PTN: variants seen among roughly 807,000 people sequenced by gnomAD.
PTN encodes pleiotrophin.
A neutral mutation model predicts 24.1 loss-of-function variants in PTN; 18 were observed. The ratio of observed to expected loss-of-function variants is 0.75; its 90% CI spans 0.52 to 1.11. The LOEUF (loss-of-function observed/expected upper bound fraction) is 1.11. PTN is among the 50% of genes least tolerant of loss of function. PTN has a pLI of 0.00. For missense variants in PTN, 163 were observed against 198.8 expected (o/e 0.82, Z 1.08); for synonymous variants, 78 against 68.6 (o/e 1.14, Z -0.67).
intron 1 of PTN, among the ~76,000 whole-genome samples, chr7:137,340,039 T>A (rs1810509807): frequency 6.6e-6 from 1 of 152,240 alleles, no homozygotes; most frequent in South Asian, 2.1e-4. Context: ...CTTCTATTTT[T>A]AGAAAACTGG....
chr7:137,341,559 G>A (rs1810534564), intron 1 of PTN, among the ~76,000 whole-genome samples: 1 of 152,178 alleles, frequency 6.6e-6, no homozygotes, highest in African/African-American at 2.4e-5. Flanking sequence ...TTTAAAGTCA[G>A]ATAATTAAAA....
At position 137,280,691 on chromosome 7, in the gene PTN, T is replaced by TAACAAAAAAAA. The variant is rs760779128; in HGVS notation, c.-1-25718_-1-25717insTTTTTTTTGTT. Among the ~76,000 whole-genome samples, 101 of 14,714 alleles carry TAACAAAAAAAA rather than the reference T, an allele frequency of 6.9e-3. 10 individuals are homozygous for TAACAAAAAAAA. Among genetic ancestry groups the TAACAAAAAAAA allele is most frequent in the African/African-American group, 0.011 (58 of 5,512 alleles). 9.7% of individuals were successfully genotyped at this position (14,714 alleles called of 152,430 possible). ...CAACATGGCAAAACCCCGTCTCTAC[T>TAACAAAAAAAA]AAAAATACAAAAAAAAAAAAAAAAA... On this transcript the variant is annotated intron_variant, in intron 1 of 4. Transcript: ENST00000348225.
chr7:137,264,444 T>G (rs1280019610), intron 1 of PTN, among the ~76,000 whole-genome samples: 1 of 152,170 alleles, frequency 6.6e-6, no homozygotes, highest in African/African-American at 2.4e-5. Context: ...GCTTCGGCCA[T>G]GAGTGGACCA....
At chr7:137,290,100 A>G (rs1809616402) in intron 1 of PTN, among the ~76,000 whole-genome samples, 1 of 152,172 alleles carries the variant, frequency 6.6e-6, no homozygotes, top group South Asian at 2.1e-4. Context: ...CACGTCTTAC[A>G]TGGATGGCAG....
intron 2 of PTN, among the ~76,000 whole-genome samples, chr7:137,253,888 G>A (rs1032787911): frequency 1.3e-5 from 2 of 152,194 alleles, no homozygotes; most frequent in Admixed American, 6.5e-5. Flanking sequence ...CTTACTATGT[G>A]CCAGAGACTG....
intron 1 of PTN, among the ~76,000 whole-genome samples, chr7:137,317,164 C>A (rs772642599): frequency 6.6e-6 from 1 of 152,294 alleles, no homozygotes; most frequent in East Asian, 1.9e-4. Context: ...TGAAAATCGG[C>A]CTGGGTGAGT....
In PTN at chr7:137,253,551, C is replaced by G; in HGVS notation, c.202G>C (p.Glu68Gln). The G allele has an allele frequency of 6.2e-7, 1 of 1,612,544 alleles. No homozygotes were observed. The highest frequency in any genetic ancestry group is 2.2e-5 in the East Asian group (1 of 44,868). ...CACTCAGCTCCAGTCCGAGTGCCCT[C>G]CCGTGTGCCCAGCCCACAGTCTCCA... ...TSGDCGLGTR[E>Q]GTRTGAECKQ... The change falls in exon 3 of 5, where the codon GAG (glutamate) becomes CAG (glutamine). Residue 68 changes from glutamate to glutamine, a missense_variant. By Grantham distance (29) the Glu-to-Gln change is conservative (BLOSUM62 2). Coordinates refer to ENST00000348225, the MANE Select transcript of PTN (RefSeq NM_002825.7).
At chr7:137,330,856 A>T (rs10233933) in intron 1 of PTN, among the ~76,000 whole-genome samples, 58,489 of 152,028 alleles carry the variant, frequency 0.38, 11,542 homozygotes, top group South Asian at 0.47. Context: ...GAAAACAAAG[A>T]AGGCAAATCC....
At chr7:137,275,955 A>G (rs374547639) in intron 1 of PTN, among the ~76,000 whole-genome samples, 9 of 152,342 alleles carry the variant, frequency 5.9e-5, no homozygotes, top group Middle Eastern at 3.4e-3. Flanking sequence ...AAGTGACTCA[A>G]TTAAAAACAT....
At chr7:137,260,399 T>C (rs1024613314) in intron 1 of PTN, among the ~76,000 whole-genome samples, 16 of 152,254 alleles carry the variant, frequency 1.1e-4, no homozygotes, top group Admixed American at 9.8e-4. Flanking sequence ...GCTTTACATG[T>C]TTCCCATCCC....
intron 4 of PTN, among the ~76,000 whole-genome samples, chr7:137,231,275 G>A (rs995233860): frequency 3.3e-5 from 5 of 151,746 alleles, no homozygotes; most frequent in South Asian, 2.1e-4. Flanking sequence ...TCCTTATGAC[G>A]GTTCTTTGAC....
chr7:137,284,060 G>A (rs1028966868), intron 1 of PTN, among the ~76,000 whole-genome samples: 12 of 135,520 alleles, frequency 8.9e-5, no homozygotes, highest in Non-Finnish European at 1.7e-4. Context: ...TCCGCCTCCC[G>A]GGTTGACGCC....
chr7:137,299,688 C>T (rs548051249), intron 1 of PTN, among the ~76,000 whole-genome samples: 15 of 151,994 alleles, frequency 9.9e-5, no homozygotes, highest in African/African-American at 3.4e-4. Context: ...CAAGAGAGAC[C>T]GTTTCCTGAC....
At chr7:137,341,435 G>T (rs1040096966) in intron 1 of PTN, among the ~76,000 whole-genome samples, 1 of 152,054 alleles carries the variant, frequency 6.6e-6, no homozygotes, top group African/African-American at 2.4e-5. Context: ...CAAATCTCAT[G>T]ATCTCATGGA....
intron 1 of PTN, among the ~76,000 whole-genome samples, chr7:137,260,387 A>T (rs1171751337): frequency 6.6e-6 from 1 of 152,170 alleles, no homozygotes; most frequent in Non-Finnish European, 1.5e-5. Flanking sequence ...TCATGTGAGA[A>T]GGCTTTACAT....
At chr7:137,295,974 G>A (rs1231193696) in intron 1 of PTN, among the ~76,000 whole-genome samples, 1 of 151,988 alleles carries the variant, frequency 6.6e-6, no homozygotes, top group Non-Finnish European at 1.5e-5. Flanking sequence ...CTAGTACCTT[G>A]AGTGATTAGT....
intron 1 of PTN, chr7:137,325,601 T>A (rs919010134): frequency 2.6e-5 from 4 of 152,250 alleles, no homozygotes; most frequent in African/African-American, 9.6e-5. Flanking sequence ...CATTTTGTTT[T>A]TCTCCACATA....
intron 1 of PTN, among the ~76,000 whole-genome samples, chr7:137,302,023 G>A (rs1422783066): frequency 6.6e-6 from 1 of 151,908 alleles, no homozygotes; most frequent in Non-Finnish European, 1.5e-5. Flanking sequence ...GAAATCAATA[G>A]CATTAACAGT....
chr7:137,260,482 A>C (rs1809015626), intron 1 of PTN, among the ~76,000 whole-genome samples: 1 of 152,108 alleles, frequency 6.6e-6, no homozygotes, highest in Non-Finnish European at 1.5e-5. Context: ...GGTTTTATTC[A>C]AGGGTGCTTC....
Sources: gnomAD v4.1 joint callset for allele counts (sites outside exome capture counted in the v4.1 genomes callset) on GRCh38, gnomAD v4.1.1 for gene constraint, MANE v1.5 for transcripts, NCBI Gene and HGNC (gene_info 2026-07-23, HGNC 2026-07-21) for gene names.